CSMD3: variants seen among roughly 807,000 people sequenced by gnomAD.
CSMD3 encodes the protein CUB and Sushi multiple domains 3.
CSMD3 carries 177 observed loss-of-function variants against 435.2 expected under a neutral mutation model. That is an observed-to-expected ratio of 0.41 (90% CI 0.36 to 0.46). The LOEUF (loss-of-function observed/expected upper bound fraction) is 0.46. Ranked by LOEUF, CSMD3 falls within the 20% of genes least tolerant of loss-of-function variation. CSMD3 has a pLI of 0.34. For synonymous variants in CSMD3, 1,656 were observed against 1,520.5 expected (o/e 1.09, Z -2.07); for missense variants, 4,265 against 4,504.6 (o/e 0.95, Z 1.52).
At chr8:112,836,326 C>T (rs915802136) in intron 11 of CSMD3, among the ~76,000 whole-genome samples, 4 of 151,730 alleles carry the variant, frequency 2.6e-5, no homozygotes, top group Non-Finnish European at 4.4e-5. Flanking sequence ...AGCCACCTTC[C>T]GTATTTACCC....
chr8:112,661,836 T>C (rs2075387724), intron 17 of CSMD3, among the ~76,000 whole-genome samples: 1 of 151,868 alleles, frequency 6.6e-6, no homozygotes, highest in African/African-American at 2.4e-5. Context: ...ATAATAATAA[T>C]AGTATGTTTC....
Position 112,337,747 on chromosome 8 carries a change from A to T in CSMD3, c.6653-16T>A. On this transcript the variant is annotated splice_polypyrimidine_tract_variant and intron_variant, in intron 42 of 70. Transcript: ENST00000297405. ...AACTGATAGGCTGGAAAGAGGAAAA[A>T]GAAAGACATTTTTTCTTTCCAAATT... The T allele has an allele frequency of 6.2e-7, 1 of 1,600,932 alleles. No individual in the cohort carries two copies. Among genetic ancestry groups the T allele is most frequent in the Non-Finnish European group, 8.5e-7 (1 of 1,171,420 alleles).
intron 13 of CSMD3, among the ~76,000 whole-genome samples, chr8:112,693,152 T>C (rs1249405101): frequency 6.6e-6 from 1 of 152,122 alleles, no homozygotes; most frequent in African/African-American, 2.4e-5. Flanking sequence ...TTCTGCTCCA[T>C]GAATGCATGT....
intron 54 of CSMD3, among the ~76,000 whole-genome samples, chr8:112,295,604 TGAG>T (rs1054834221): frequency 6.6e-6 from 1 of 151,686 alleles, no homozygotes; most frequent in African/African-American, 2.4e-5. Flanking sequence ...ATATTAAATA[TGAG>T]AAGAGCTAAA....
At position 112,291,539 on chromosome 8, in the gene CSMD3, T is replaced by C. The variant is rs1819764090; in HGVS notation, c.8945A>G (p.Gln2982Arg). The C allele has an allele frequency of 1.9e-6, 3 of 1,611,110 alleles. No individual in the cohort carries two copies. Among genetic ancestry groups the C allele is most frequent in the Non-Finnish European group, 2.5e-6 (3 of 1,177,868 alleles). ...SSVLICQPNGQWDKPLPECIM... is the reference protein window; with the variant it reads ...SSVLICQPNGRWDKPLPECIM... Reference sequence around the variant, plus strand: ...ACATTCTGGTAAAGGTTTGTCCCATTGTCCATTTGGTTGACATATCAAAAC... The same window carrying C: ...ACATTCTGGTAAAGGTTTGTCCCATCGTCCATTTGGTTGACATATCAAAAC... Residue 2982 changes from glutamine (Q) to arginine (R), a missense_variant, in exon 56 of 71, where the codon CAA becomes CGA. By Grantham distance (43) the Gln-to-Arg change is conservative. Coordinates refer to ENST00000297405, the MANE Select transcript of CSMD3 (RefSeq NM_198123.2).
chr8:112,650,442 T>C (rs79447106), intron 18 of CSMD3, 93 bp from the exon 19 acceptor site: 1 of 1,024,518 alleles, frequency 9.8e-7, no homozygotes, highest in Non-Finnish European at 1.5e-6. Flanking sequence ...TTACAAGCAA[T>C]GATTTTTACA....
chr8:112,702,615 A>G (rs1375267370), intron 13 of CSMD3, among the ~76,000 whole-genome samples: 1 of 151,978 alleles, frequency 6.6e-6, no homozygotes, highest in Non-Finnish European at 1.5e-5. Context: ...ACTGATCCCC[A>G]TGGTCCCATG....
At chr8:112,673,779 T>C (rs1392796820) in intron 16 of CSMD3, among the ~76,000 whole-genome samples, 2 of 152,116 alleles carry the variant, frequency 1.3e-5, no homozygotes, top group East Asian at 3.9e-4. Flanking sequence ...TTCAGTCCCA[T>C]CCTATTCACT....
intron 5 of CSMD3, among the ~76,000 whole-genome samples, chr8:113,050,448 C>T (rs950462350): frequency 6.6e-6 from 1 of 151,982 alleles, no homozygotes; most frequent in Admixed American, 6.6e-5. Flanking sequence ...GATTTATAAG[C>T]TTGCCAACAG....
chr8:112,371,441 C>T (rs1828380970), intron 38 of CSMD3, among the ~76,000 whole-genome samples: 1 of 152,010 alleles, frequency 6.6e-6, no homozygotes, highest in Admixed American at 6.6e-5. Context: ...GAGCTTGTGG[C>T]ACCTAGCACT....
chr8:112,836,719 G>C (rs150035855), intron 11 of CSMD3, among the ~76,000 whole-genome samples: 2 of 151,806 alleles, frequency 1.3e-5, no homozygotes, highest in Non-Finnish European at 2.9e-5. Flanking sequence ...TTCTGTGTGC[G>C]TGGGGCTTGC....
intron 12 of CSMD3, among the ~76,000 whole-genome samples, chr8:112,827,208 A>AC (rs2079723137): frequency 1.7e-4 from 10 of 60,194 alleles, no homozygotes; most frequent in Admixed American, 7.2e-4. Context: ...TATATATATA[A>AC]TCTTTCTACC....
chr8:113,234,525 G>C (rs980724919), intron 3 of CSMD3, among the ~76,000 whole-genome samples: 1 of 152,126 alleles, frequency 6.6e-6, no homozygotes, highest in African/African-American at 2.4e-5. Context: ...AATTCAAGCA[G>C]AGCAAGATGT....
At chr8:112,316,461 T>C (rs1563779775) in intron 47 of CSMD3, among the ~76,000 whole-genome samples, 1 of 151,782 alleles carries the variant, frequency 6.6e-6, no homozygotes, top group Non-Finnish European at 1.5e-5. Flanking sequence ...AGTATGTGGC[T>C]ACGACATATT....
At chr8:112,493,105 T>TG (rs1450845660) in intron 30 of CSMD3, among the ~76,000 whole-genome samples, 2 of 152,140 alleles carry the variant, frequency 1.3e-5, no homozygotes, top group South Asian at 2.1e-4. Flanking sequence ...TCTGTCTTTT[T>TG]GGGGGGGCTC....
intron 22 of CSMD3, among the ~76,000 whole-genome samples, chr8:112,588,826 C>T (rs4298509): frequency 0.58 from 87,150 of 151,222 alleles, 25,629 homozygotes; most frequent in African/African-American, 0.69. Flanking sequence ...AACTTTCATC[C>T]ATATAGTGCA....
intron 13 of CSMD3, among the ~76,000 whole-genome samples, chr8:112,762,264 C>A (rs1380685997): frequency 2.0e-5 from 3 of 151,874 alleles, no homozygotes; most frequent in East Asian, 1.9e-4. Context: ...GTTTTGGATT[C>A]TTTACCCATA....
intron 6 of CSMD3, among the ~76,000 whole-genome samples, chr8:113,010,581 C>T (rs368673705): frequency 2.0e-5 from 3 of 151,598 alleles, no homozygotes; most frequent in Non-Finnish European, 1.5e-5. Context: ...GTAGTTGGTA[C>T]ATTTAAAGAT....
intron 9 of CSMD3, among the ~76,000 whole-genome samples, chr8:112,929,695 A>G (rs989568791): frequency 1.1e-4 from 17 of 152,090 alleles, no homozygotes; most frequent in Admixed American, 2.0e-4. Flanking sequence ...GGCACATAGT[A>G]GGATAATGAT....
Sources: gnomAD v4.1 joint callset for allele counts (sites outside exome capture counted in the v4.1 genomes callset) on GRCh38, gnomAD v4.1.1 for gene constraint, MANE v1.5 for transcripts, NCBI Gene and HGNC (gene_info 2026-07-23, HGNC 2026-07-21) for gene names.